Variants in TRERF1 observed in about 807,000 individuals in gnomAD.
TRERF1 encodes transcriptional-regulating factor 1.
TRERF1 carries 27 observed loss-of-function variants against 122.9 expected under a neutral mutation model. That is an observed-to-expected ratio of 0.22 (90% CI 0.16 to 0.30). The LOEUF (loss-of-function observed/expected upper bound fraction) is 0.30. TRERF1 is among the 10% of genes least tolerant of loss of function. The pLI is 1.00. For synonymous variants in TRERF1, 636 were observed against 641.7 expected, an observed-to-expected ratio of 0.99 and a Z score of 0.13; for missense variants, 1,248 against 1,560.3, an observed-to-expected ratio of 0.80 and a Z score of 3.37.
At chr6:42,347,068 T>A (rs1278905078) in intron 3 of TRERF1, among the ~76,000 whole-genome samples, 7 of 152,232 alleles carry the variant, frequency 4.6e-5, no homozygotes, top group Non-Finnish European at 7.3e-5. Flanking sequence ...AGACACGAGC[T>A]TATCAGCCAT....
At chr6:42,244,210 G>A (rs1774333451) in intron 14 of TRERF1, among the ~76,000 whole-genome samples, 1 of 149,598 alleles carries the variant, frequency 6.7e-6, no homozygotes, top group Non-Finnish European at 1.5e-5. Flanking sequence ...TTGAGATGGA[G>A]TTTCACTCTC....
At chr6:42,401,204 C>G (rs1002308438) in intron 2 of TRERF1, among the ~76,000 whole-genome samples, 1 of 152,192 alleles carries the variant, frequency 6.6e-6, no homozygotes, top group Non-Finnish European at 1.5e-5. Flanking sequence ...CAAATGAGTA[C>G]AGAGGCCAAT....
At chr6:42,332,336 C>T (rs1428530766) in intron 3 of TRERF1, among the ~76,000 whole-genome samples, 1 of 152,240 alleles carries the variant, frequency 6.6e-6, no homozygotes, top group African/African-American at 2.4e-5. Context: ...AGCCCAAGAA[C>T]GCGGTGCCCA....
intron 6 of TRERF1, 54 bp downstream of exon 6, chr6:42,265,697 C>G (rs1275997441): frequency 2.6e-6 from 4 of 1,553,494 alleles, no homozygotes; most frequent in Non-Finnish European, 1.8e-6. Flanking sequence ...TGAGAGACAC[C>G]CCAGAAAATC....
At chr6:42,438,816 GTGTTCTGTGCTTC>G (rs1785948703) in intron 2 of TRERF1, among the ~76,000 whole-genome samples, 1 of 152,170 alleles carries the variant, frequency 6.6e-6, no homozygotes, top group Non-Finnish European at 1.5e-5. Flanking sequence ...CCCAGGCTCT[GTGTTCTGTGCTTC>G]TGTGCAGATT....
intron 13 of TRERF1, among the ~76,000 whole-genome samples, chr6:42,248,244 G>A (rs1452441441): frequency 6.6e-6 from 1 of 152,200 alleles, no homozygotes; most frequent in African/African-American, 2.4e-5. Flanking sequence ...GGGTCCTCAA[G>A]CCAGGAGCTT....
chr6:42,395,374 G>T (rs947151872), intron 2 of TRERF1, among the ~76,000 whole-genome samples: 2 of 152,190 alleles, frequency 1.3e-5, no homozygotes, highest in African/African-American at 2.4e-5. Context: ...TCATTCTTAA[G>T]ATCTGGCTCT....
chr6:42,400,321 C>T (rs1432247977), intron 2 of TRERF1, among the ~76,000 whole-genome samples: 1 of 152,208 alleles, frequency 6.6e-6, no homozygotes, highest in East Asian at 1.9e-4. Flanking sequence ...GACAGCTGCG[C>T]AGCCCAGCAT....
At chr6:42,384,134 C>T (rs1430706371) in intron 2 of TRERF1, among the ~76,000 whole-genome samples, 1 of 152,026 alleles carries the variant, frequency 6.6e-6, no homozygotes, top group Non-Finnish European at 1.5e-5. Context: ...ATTTATCCTA[C>T]AGACATACTC....
intron 2 of TRERF1, among the ~76,000 whole-genome samples, chr6:42,403,390 G>A (rs547815137): frequency 2.6e-5 from 4 of 151,902 alleles, no homozygotes; most frequent in South Asian, 4.2e-4. Context: ...AGAAAATAGC[G>A]ACACACACAT....
chr6:42,234,862 T>G (rs1197525520), intron 16 of TRERF1, among the ~76,000 whole-genome samples: 1 of 152,192 alleles, frequency 6.6e-6, no homozygotes, highest in Non-Finnish European at 1.5e-5. Flanking sequence ...ATAACTTCCA[T>G]TTGGTACACA....
At chr6:42,408,996 A>G (rs1780713839) in intron 2 of TRERF1, among the ~76,000 whole-genome samples, 1 of 152,134 alleles carries the variant, frequency 6.6e-6, no homozygotes, top group African/African-American at 2.4e-5. Flanking sequence ...TCATATATAA[A>G]TGTCTTCCAG....
intron 3 of TRERF1, among the ~76,000 whole-genome samples, chr6:42,358,137 AC>A (rs1770956185): frequency 6.6e-6 from 1 of 152,192 alleles, no homozygotes. Context: ...GGCATACCAT[AC>A]AACTGAAAGT....
At chr6:42,451,818 C>T (rs2151865463) in intron 1 of TRERF1, among the ~76,000 whole-genome samples, 1 of 152,250 alleles carries the variant, frequency 6.6e-6, no homozygotes, top group South Asian at 2.1e-4. Context: ...GTTCTCCCTC[C>T]CCAGTGGAAA....
chr6:42,423,003 C>T (rs1783025115), intron 2 of TRERF1, among the ~76,000 whole-genome samples: 1 of 152,202 alleles, frequency 6.6e-6, no homozygotes. Flanking sequence ...CCACGCCTGG[C>T]TAATTTTGTA....
At chr6:42,237,181 T>C (rs1358376668) in intron 15 of TRERF1, among the ~76,000 whole-genome samples, 2 of 152,182 alleles carry the variant, frequency 1.3e-5, no homozygotes, top group Non-Finnish European at 2.9e-5. Flanking sequence ...ATGGCCACTC[T>C]CCCCACTTCA....
At chr6:42,283,611 C>CTTTTTTT (rs869206003) in intron 4 of TRERF1, among the ~76,000 whole-genome samples, 5 of 107,988 alleles carry the variant, frequency 4.6e-5, no homozygotes, top group South Asian at 3.1e-4. Context: ...ATGAAAAAAA[C>CTTTTTTT]TTTTTTTTTT....
At chr6:42,299,088 C>G (rs959653530) in intron 4 of TRERF1, among the ~76,000 whole-genome samples, 4 of 133,922 alleles carry the variant, frequency 3.0e-5, no homozygotes, top group African/African-American at 1.2e-4. Context: ...AAATATCTAT[C>G]TATCTATCTG....
intron 4 of TRERF1, among the ~76,000 whole-genome samples, chr6:42,293,549 C>T (rs565424979): frequency 6.6e-6 from 1 of 152,200 alleles, no homozygotes; most frequent in Non-Finnish European, 1.5e-5. Flanking sequence ...AAAAATGTCA[C>T]AGCTTTCTCT....
Sources: gnomAD v4.1 joint callset for allele counts (sites outside exome capture counted in the v4.1 genomes callset) on GRCh38, gnomAD v4.1.1 for gene constraint, MANE v1.5 for transcripts, NCBI Gene and HGNC (gene_info 2026-07-23, HGNC 2026-07-21) for gene names.